Variants in NKAIN2 observed in about 807,000 individuals in gnomAD.
NKAIN2 encodes sodium/potassium transporting ATPase interacting 2, also known as sodium/potassium-transporting ATPase subunit beta-1-interacting protein 2.
Under a neutral mutation model 32.6 loss-of-function variants are expected in NKAIN2, and 14 were observed. The ratio of observed to expected loss-of-function variants is 0.43; its 90% CI spans 0.28 to 0.67. NKAIN2 has a LOEUF of 0.67. NKAIN2 is among the 30% of genes least tolerant of loss of function. The pLI, the probability that NKAIN2 is intolerant of heterozygous loss-of-function variation, is 0.17. For synonymous variants in NKAIN2, 80 were observed against 87.2 expected, an observed-to-expected ratio of 0.92 and a Z score of 0.46; for missense variants, 198 against 258.3, an observed-to-expected ratio of 0.77 and a Z score of 1.60.
intron 3 of NKAIN2, among the ~76,000 whole-genome samples, chr6:124,369,317 G>A (rs1274179367): frequency 1.3e-5 from 2 of 152,084 alleles, no homozygotes; most frequent in Non-Finnish European, 2.9e-5. Flanking sequence ...GAGTTCCATG[G>A]CTTTAAATTT....
At chr6:124,028,634 ATTGT>A (rs1318168647) in intron 1 of NKAIN2, among the ~76,000 whole-genome samples, 8 of 149,024 alleles carry the variant, frequency 5.4e-5, no homozygotes, top group South Asian at 2.1e-4. Flanking sequence ...ATAAATACAC[ATTGT>A]TTGGTCTTTG....
chr6:124,257,666 G>T (rs1244514491), intron 1 of NKAIN2, among the ~76,000 whole-genome samples: 2 of 152,014 alleles, frequency 1.3e-5, no homozygotes, highest in African/African-American at 4.8e-5. Context: ...ATAGAGATGG[G>T]TTTGCACTTG....
intron 3 of NKAIN2, among the ~76,000 whole-genome samples, chr6:124,409,372 A>G (rs1374725946): frequency 2.6e-5 from 4 of 152,148 alleles, no homozygotes; most frequent in Admixed American, 2.6e-4. Context: ...CGTCCCATCA[A>G]TAACTAATTT....
chr6:124,716,716 A>T (rs1775775040), intron 4 of NKAIN2, among the ~76,000 whole-genome samples: 1 of 152,136 alleles, frequency 6.6e-6, no homozygotes. Flanking sequence ...TCTTCTCCTG[A>T]TTAACCCCCA....
intron 3 of NKAIN2, among the ~76,000 whole-genome samples, chr6:124,413,436 A>G (rs911830438): frequency 1.3e-5 from 2 of 152,172 alleles, no homozygotes; most frequent in Admixed American, 6.5e-5. Flanking sequence ...CTTTATATCA[A>G]TACCACGCTG....
At chr6:124,094,749 C>T (rs1010415691) in intron 1 of NKAIN2, among the ~76,000 whole-genome samples, 15 of 152,174 alleles carry the variant, frequency 9.9e-5, no homozygotes, top group Middle Eastern at 6.8e-3. Context: ...CAGTTAAGGG[C>T]GCAATTTCTA....
intron 2 of NKAIN2, among the ~76,000 whole-genome samples, chr6:124,315,318 C>A (rs1373871189): frequency 6.6e-6 from 1 of 151,906 alleles, no homozygotes; most frequent in Non-Finnish European, 1.5e-5. Context: ...CCGATTTTTT[C>A]TAAAAGGATA....
In NKAIN2 at chr6:124,623,585, G is replaced by T. The variant is rs1477634441; in HGVS notation, c.274-34601G>T. ...GAAGATGCAAGCATAGTATGAAATTGTATTAAAACTCTAAATTCAAGTGAC... is the reference window on the plus strand; with the variant it reads ...GAAGATGCAAGCATAGTATGAAATTTTATTAAAACTCTAAATTCAAGTGAC... On this transcript the variant is annotated intron_variant, in intron 3 of 6. Transcript: ENST00000368417. Among the ~76,000 whole-genome samples the T allele has an allele frequency of 2.0e-5, 3 of 152,148 alleles. No homozygotes were observed. In the East Asian group the frequency reaches 5.8e-4, roughly 29 times the overall value.
intron 1 of NKAIN2, among the ~76,000 whole-genome samples, chr6:124,075,575 T>C (rs758283144): frequency 6.6e-6 from 1 of 152,136 alleles, no homozygotes; most frequent in Non-Finnish European, 1.5e-5. Context: ...TATAAAACTT[T>C]AGGAAGTATG....
intron 2 of NKAIN2, among the ~76,000 whole-genome samples, chr6:124,309,459 G>A (rs1005803523): frequency 5.3e-5 from 8 of 152,072 alleles, no homozygotes; most frequent in African/African-American, 1.7e-4. Flanking sequence ...ACTGTATGTT[G>A]TAGACATTTC....
At chr6:124,784,590 C>A (rs1443052292) in intron 4 of NKAIN2, among the ~76,000 whole-genome samples, 1 of 152,100 alleles carries the variant, frequency 6.6e-6, no homozygotes, top group Non-Finnish European at 1.5e-5. Flanking sequence ...AGTAATATTT[C>A]ATGGTATGGG....
intron 3 of NKAIN2, among the ~76,000 whole-genome samples, chr6:124,519,954 C>T (rs1367980868): frequency 6.6e-6 from 1 of 152,106 alleles, no homozygotes; most frequent in African/African-American, 2.4e-5. Context: ...TTAATCTATA[C>T]AGCACCTCTA....
At chr6:124,711,899 G>A (rs569692786) in intron 4 of NKAIN2, among the ~76,000 whole-genome samples, 1,840 of 152,126 alleles carry the variant, frequency 0.012, 35 homozygotes, top group African/African-American at 0.042. Context: ...GGCACTCTGC[G>A]TTTTAGAGTT....
intron 3 of NKAIN2, among the ~76,000 whole-genome samples, chr6:124,392,411 A>G (rs531489608): frequency 4.6e-5 from 7 of 152,316 alleles, no homozygotes; most frequent in Non-Finnish European, 1.0e-4. Context: ...CTACAGGCAC[A>G]GAGCAATAAA....
intron 4 of NKAIN2, among the ~76,000 whole-genome samples, chr6:124,782,310 A>G (rs1424158732): frequency 6.6e-6 from 1 of 151,828 alleles, no homozygotes; most frequent in African/African-American, 2.4e-5. Context: ...TGATCACTGG[A>G]TATGTGCTGA....
intron 1 of NKAIN2, among the ~76,000 whole-genome samples, chr6:123,834,016 G>A (rs890776001): frequency 2.7e-5 from 4 of 150,918 alleles, no homozygotes; most frequent in Admixed American, 6.6e-5. Context: ...TTGAGCCACC[G>A]CGCCTGGCCA....
chr6:124,300,332 C>T (rs1321621370), intron 2 of NKAIN2, among the ~76,000 whole-genome samples: 1 of 152,162 alleles, frequency 6.6e-6, no homozygotes, highest in African/African-American at 2.4e-5. Context: ...TAACACATGA[C>T]TTGCTCCTCA....
intron 1 of NKAIN2, among the ~76,000 whole-genome samples, chr6:123,813,401 A>G (rs1773558926): frequency 1.3e-5 from 2 of 152,314 alleles, no homozygotes; most frequent in South Asian, 2.1e-4. Flanking sequence ...GAGATGGCAT[A>G]TGAAGGTTTT....
rs185638259 is a variant in NKAIN2, at chr6:124,031,049, A to T, written c.54+226795A>T. Among the ~76,000 whole-genome samples, 753 of 152,162 alleles carry T rather than the reference A, an allele frequency of 4.9e-3. 3 individuals carry two copies. Among genetic ancestry groups the T allele is most frequent in the Non-Finnish European group, 7.1e-3 (486 of 68,022 alleles). ...AAAAATAAATGAAAAGTTGAAGTTG[A>T]TATGTATATAGGGGTGATGTTACTG... On this transcript the variant is annotated intron_variant, in intron 1 of 6. Transcript: ENST00000368417.
Sources: allele counts gnomAD v4.1 joint callset (sites outside exome capture counted in the v4.1 genomes callset), GRCh38; gene constraint gnomAD v4.1.1; transcripts MANE v1.5; gene names NCBI Gene and HGNC (gene_info 2026-07-23, HGNC 2026-07-21).